Variants in AMPH observed in about 807,000 individuals in gnomAD.
The protein encoded by AMPH is amphiphysin.
Under a neutral mutation model 99.1 loss-of-function variants are expected in AMPH, and 49 were observed. That is an observed-to-expected ratio of 0.49 (90% CI 0.39 to 0.63). The LOEUF (loss-of-function observed/expected upper bound fraction) is 0.63, where lower values mean the gene tolerates loss of function less well. Among genes scored for constraint, AMPH ranks in the 20% least tolerant of loss-of-function variants. The pLI is 0.00. For missense variants in AMPH, 759 were observed against 863.4 expected (o/e 0.88, Z 1.52); for synonymous variants, 314 against 317.3 (o/e 0.99, Z 0.11).
At chr7:38,619,620 T>G (rs930030717) in intron 1 of AMPH, among the ~76,000 whole-genome samples, 1 of 152,254 alleles carries the variant, frequency 6.6e-6, no homozygotes, top group East Asian at 1.9e-4. Flanking sequence ...ATAGGCCATA[T>G]GCTAGACTAT....
chr7:38,593,744 A>G (rs1167586206), intron 1 of AMPH, among the ~76,000 whole-genome samples: 2 of 152,224 alleles, frequency 1.3e-5, no homozygotes, highest in African/African-American at 4.8e-5. Context: ...GTGAACACAC[A>G]GTCAAAAATC....
intron 2 of AMPH, among the ~76,000 whole-genome samples, chr7:38,527,537 C>T (rs1790232923): frequency 2.6e-5 from 4 of 152,024 alleles, no homozygotes; most frequent in Admixed American, 2.6e-4. Context: ...ATTTTGATTT[C>T]CACATGTTCA....
At chr7:38,547,749 C>T (rs1791040714) in intron 1 of AMPH, among the ~76,000 whole-genome samples, 1 of 152,118 alleles carries the variant, frequency 6.6e-6, no homozygotes, top group Non-Finnish European at 1.5e-5. Flanking sequence ...GTAATATGTA[C>T]ATTGGTTCCT....
At chr7:38,558,030 T>C (rs1470892622) in intron 1 of AMPH, among the ~76,000 whole-genome samples, 1 of 151,670 alleles carries the variant, frequency 6.6e-6, no homozygotes, top group African/African-American at 2.4e-5. Context: ...TTTCATGTTA[T>C]ATGAAGAAAA....
At chr7:38,538,702 G>A (rs374662433) in intron 1 of AMPH, among the ~76,000 whole-genome samples, 1 of 152,170 alleles carries the variant, frequency 6.6e-6, no homozygotes, top group East Asian at 1.9e-4. Context: ...CTAGGAAACA[G>A]ATCAGTCTTT....
At chr7:38,427,252 A>G (rs1785813858) in intron 14 of AMPH, among the ~76,000 whole-genome samples, 1 of 152,154 alleles carries the variant, frequency 6.6e-6, no homozygotes, top group Non-Finnish European at 1.5e-5. Context: ...CACTTTCTCT[A>G]TAATGAGAAG....
intron 7 of AMPH, among the ~76,000 whole-genome samples, chr7:38,474,000 G>A (rs1372127607): frequency 6.6e-6 from 1 of 151,954 alleles, no homozygotes; most frequent in Non-Finnish European, 1.5e-5. Context: ...ATGTCAAGGT[G>A]GAGCTTCTGA....
chr7:38,427,987 A>G (rs1785847847), intron 14 of AMPH: 1 of 456,670 alleles, frequency 2.2e-6, no homozygotes, highest in South Asian at 1.5e-5. Flanking sequence ...CCCAAAATCA[A>G]TGGTCTTGCT....
chr7:38,430,166 A>C, intron 13 of AMPH: 1 of 363,270 alleles, frequency 2.8e-6, no homozygotes, highest in Non-Finnish European at 4.9e-6. Flanking sequence ...GCTAAGTTTC[A>C]AACACATAAG....
chr7:38,502,363 C>G (rs1003347229), intron 3 of AMPH, among the ~76,000 whole-genome samples: 1 of 152,162 alleles, frequency 6.6e-6, no homozygotes, highest in African/African-American at 2.4e-5. Context: ...ATAACTTAGG[C>G]ATCCCCTGAG....
Position 38,577,907 on chromosome 7 carries a change from C to G in AMPH, c.70-42896G>C, listed in dbSNP as rs138958861. On this transcript the variant is annotated intron_variant, in intron 1 of 20. Transcript: ENST00000356264. ...ATGAGTCAAGATAATACCTGTGAAG[C>G]CTCTTGGAAGTCATCTCTACATCCC... is the stretch of plus-strand genomic sequence containing the variant. 2.2e-3 allele frequency among the ~76,000 whole-genome samples: 337 copies of G among 152,212 alleles called. 2 individuals are homozygous for G. Among genetic ancestry groups the G allele is most frequent in the Non-Finnish European group, 3.6e-3 (245 of 68,002 alleles).
intron 1 of AMPH, among the ~76,000 whole-genome samples, chr7:38,627,763 A>G (rs894306327): frequency 2.0e-5 from 3 of 151,904 alleles, no homozygotes; most frequent in African/African-American, 7.3e-5. Context: ...ATATTCATAT[A>G]TCTTATGTGA....
chr7:38,461,472 A>G, intron 10 of AMPH, 61 bp from the exon 11 acceptor site: 1 of 1,603,580 alleles, frequency 6.2e-7, no homozygotes, highest in East Asian at 2.2e-5. Flanking sequence ...ACACGAAGAA[A>G]GGTCACATGA....
intron 5 of AMPH, among the ~76,000 whole-genome samples, chr7:38,483,403 AAAAC>A (rs1187528958): frequency 1.3e-5 from 2 of 152,168 alleles, no homozygotes; most frequent in East Asian, 3.9e-4. Context: ...ACTGAGGGAT[AAAAC>A]AAACAAACAG....
intron 2 of AMPH, among the ~76,000 whole-genome samples, chr7:38,512,698 C>T (rs574637057): frequency 3.3e-4 from 51 of 152,264 alleles, no homozygotes; most frequent in African/African-American, 1.1e-3. Context: ...TAGGAAATGG[C>T]ACAGTAATGT....
chr7:38,463,270 TGGTG>T, intron 9 of AMPH, 157 bp from the exon 10 acceptor site: 1 of 896,486 alleles, frequency 1.1e-6, no homozygotes, highest in Non-Finnish European at 1.8e-6. Context: ...GCAACAGTGA[TGGTG>T]ATAACTGGTA....
intron 15 of AMPH, 79 bp from the exon 16 acceptor site, chr7:38,422,556 ATCTATCTATCTATC>A: frequency 2.8e-6 from 1 of 359,860 alleles, no homozygotes; most frequent in Non-Finnish European, 4.9e-6. Context: ...CTGCCTACGT[ATCTATCTATCTATC>A]TATCTATCTA....
chr7:38,455,592 C>T (rs554620320), intron 11 of AMPH, among the ~76,000 whole-genome samples: 1 of 152,254 alleles, frequency 6.6e-6, no homozygotes, highest in Non-Finnish European at 1.5e-5. Context: ...GGAGAAGCTC[C>T]CAGATGTGAG....
chr7:38,459,563 T>A (rs1263222799), intron 11 of AMPH, among the ~76,000 whole-genome samples: 3 of 151,990 alleles, frequency 2.0e-5, no homozygotes. Context: ...GCCAACTCAT[T>A]TTCAGTAAAG....
Sources: allele counts gnomAD v4.1 joint callset (sites outside exome capture counted in the v4.1 genomes callset), GRCh38; gene constraint gnomAD v4.1.1; transcripts MANE v1.5; gene names NCBI Gene and HGNC (gene_info 2026-07-23, HGNC 2026-07-21).